RGS7: variants seen among roughly 807,000 people sequenced by gnomAD.
RGS7 encodes regulator of G-protein signaling 7.
In RGS7, 27 loss-of-function variants were observed where a neutral mutation model predicts 81.1. The observed-to-expected ratio is 0.33, with a 90% CI of 0.25 to 0.46. RGS7 has a LOEUF of 0.46. RGS7 is among the 20% of genes least tolerant of loss of function. RGS7 has a pLI of 1.00. For missense variants in RGS7, 396 were observed against 607.4 expected (o/e 0.65, Z 3.66); for synonymous variants, 208 against 207.7 (o/e 1.00, Z -0.01).
intron 4 of RGS7, among the ~76,000 whole-genome samples, chr1:240,957,779 G>C (rs938485906): frequency 3.3e-5 from 5 of 152,166 alleles, no homozygotes; most frequent in Non-Finnish European, 7.4e-5. Context: ...GGGATATATA[G>C]AAACTTTTTG....
rs34470327 is a variant in RGS7, at chr1:241,199,292, T to TA, written c.79-100531dup. ...CAACATGGTGAAACCTCATCTGTAC[T>TA]AAAAAAAATACAAAAATTAGCTGGG... On this transcript the variant is annotated intron_variant, in intron 2 of 18. Transcript: ENST00000440928. 1.2e-4 allele frequency among the ~76,000 whole-genome samples: 18 copies of TA among 151,700 alleles called. No homozygotes were observed. The South Asian group carries it at 1.7e-3, about 14-fold the overall frequency.
chr1:240,998,662 C>A, intron 3 of RGS7: 2 of 1,149,438 alleles, frequency 1.7e-6, no homozygotes. Flanking sequence ...GCAAACAAGC[C>A]AGGCCAAAAG....
chr1:240,800,514 CAT>C (rs1314669552), intron 18 of RGS7, 125 bp downstream of exon 18: 7 of 447,832 alleles, frequency 1.6e-5, no homozygotes, highest in Non-Finnish European at 2.8e-5. Flanking sequence ...TTTCAACACA[CAT>C]AACTCCACTG....
At chr1:241,126,032 C>A (rs2066634094) in intron 2 of RGS7, among the ~76,000 whole-genome samples, 1 of 152,114 alleles carries the variant, frequency 6.6e-6, no homozygotes, top group South Asian at 2.1e-4. Flanking sequence ...GTCTTGGTGA[C>A]CCCGTTCTAG....
intron 6 of RGS7, among the ~76,000 whole-genome samples, chr1:240,919,392 T>A (rs576866682): frequency 3.8e-4 from 58 of 152,268 alleles, no homozygotes; most frequent in African/African-American, 1.2e-3. Flanking sequence ...CCAGGTGATA[T>A]TTATTCCATA....
At chr1:241,023,415 A>G (rs571017382) in intron 3 of RGS7, among the ~76,000 whole-genome samples, 2 of 152,322 alleles carry the variant, frequency 1.3e-5, no homozygotes, top group South Asian at 4.1e-4. Flanking sequence ...CATTCCTTTG[A>G]AAAGTCATCA....
chr1:241,220,990 G>GA (rs1553289401), intron 2 of RGS7, among the ~76,000 whole-genome samples: 933 of 76,872 alleles, frequency 0.012, 23 homozygotes, highest in Middle Eastern at 0.051. Flanking sequence ...AGGAAGGAAG[G>GA]AAGGAAGAGA....
chr1:241,034,892 G>C (rs556613191), intron 3 of RGS7, among the ~76,000 whole-genome samples: 42 of 152,302 alleles, frequency 2.8e-4, no homozygotes, highest in African/African-American at 9.9e-4. Context: ...ACGATTTTGA[G>C]AGAGTGGAGC....
At chr1:240,941,932 G>C (rs1433988957) in intron 4 of RGS7, among the ~76,000 whole-genome samples, 1 of 150,714 alleles carries the variant, frequency 6.6e-6, no homozygotes, top group African/African-American at 2.4e-5. Context: ...TAATCTTCTC[G>C]TACATGTGTT....
intron 2 of RGS7, among the ~76,000 whole-genome samples, chr1:241,117,671 G>C (rs1312501958): frequency 6.6e-6 from 1 of 152,238 alleles, no homozygotes; most frequent in East Asian, 1.9e-4. Context: ...GTGGGATAAA[G>C]TGGAAGAGTG....
At chr1:241,014,464 T>G (rs2059122798) in intron 3 of RGS7, among the ~76,000 whole-genome samples, 1 of 152,218 alleles carries the variant, frequency 6.6e-6, no homozygotes, top group Non-Finnish European at 1.5e-5. Context: ...TTCACCAGTT[T>G]TAAATCCACT....
intron 6 of RGS7, among the ~76,000 whole-genome samples, chr1:240,925,120 A>G (rs1674218489): frequency 1.3e-5 from 2 of 152,000 alleles, no homozygotes; most frequent in African/African-American, 4.8e-5. Flanking sequence ...TTTTTTCAAT[A>G]ATAATTTTAA....
chr1:240,892,552 G>C lies in RGS7; in HGVS notation c.386-22433C>G, dbSNP rs559889282. ...CTGCTGTTAAGTTGAGCCTAAAGCTGTCTTCTTACATATTTTAAGTTGGGC... is the reference window on the plus strand; with the variant it reads ...CTGCTGTTAAGTTGAGCCTAAAGCTCTCTTCTTACATATTTTAAGTTGGGC... On this transcript the variant is annotated intron_variant, in intron 6 of 18. Transcript: ENST00000440928. 2.0e-5 allele frequency among the ~76,000 whole-genome samples: 3 copies of C among 152,270 alleles called. No homozygotes were observed. The South Asian group carries it at 6.2e-4, about 32-fold the overall frequency.
intron 2 of RGS7, among the ~76,000 whole-genome samples, chr1:241,350,575 T>C (rs181743132): frequency 1.3e-5 from 2 of 152,136 alleles, no homozygotes; most frequent in Non-Finnish European, 1.5e-5. Context: ...TGCTAACATG[T>C]AGTAAACCCA....
At chr1:241,156,080 GCACACACA>G (rs149769224) in intron 2 of RGS7, among the ~76,000 whole-genome samples, 2 of 145,756 alleles carry the variant, frequency 1.4e-5, no homozygotes, top group African/African-American at 5.0e-5. Context: ...ACACACGCAC[GCACACACA>G]CACACACACA....
intron 2 of RGS7, among the ~76,000 whole-genome samples, chr1:241,161,456 C>A (rs1343716651): frequency 2.0e-5 from 3 of 149,676 alleles, no homozygotes; most frequent in African/African-American, 7.3e-5. Flanking sequence ...ACTAATGGCA[C>A]AGTCCATGAC....
chr1:240,913,046 G>A (rs1672024178), intron 6 of RGS7, among the ~76,000 whole-genome samples: 1 of 152,184 alleles, frequency 6.6e-6, no homozygotes. Flanking sequence ...GACACAACCA[G>A]CAAAACACTT....
intron 4 of RGS7, among the ~76,000 whole-genome samples, chr1:240,971,738 AGT>A (rs1683236246): frequency 6.6e-6 from 1 of 152,218 alleles, no homozygotes; most frequent in Non-Finnish European, 1.5e-5. Flanking sequence ...TTATCATCAG[AGT>A]GTTAAATATA....
chr1:241,193,097 A>G (rs1161555878), intron 2 of RGS7, among the ~76,000 whole-genome samples: 1 of 152,244 alleles, frequency 6.6e-6, no homozygotes, highest in Admixed American at 6.5e-5. Flanking sequence ...TCATTTAAAT[A>G]TAACACAAAT....
Sources: gnomAD v4.1 joint callset for allele counts (sites outside exome capture counted in the v4.1 genomes callset) on GRCh38, gnomAD v4.1.1 for gene constraint, MANE v1.5 for transcripts, NCBI Gene and HGNC (gene_info 2026-07-23, HGNC 2026-07-21) for gene names.